Variants in HSPBP1 observed in about 807,000 individuals in gnomAD.
HSPBP1 encodes hsp70-binding protein 1.
A neutral mutation model predicts 41.7 loss-of-function variants in HSPBP1; 31 were observed. That is an observed-to-expected ratio of 0.74 (90% CI 0.56 to 1.00). HSPBP1 has a LOEUF of 1.00. Ranked by LOEUF, HSPBP1 falls within the 50% of genes least tolerant of loss-of-function variation. The pLI is 0.00. For synonymous variants in HSPBP1, 199 were observed against 214.4 expected, an observed-to-expected ratio of 0.93 and a Z score of 0.63; for missense variants, 439 against 487.9, an observed-to-expected ratio of 0.90 and a Z score of 0.94.
rs141743392 is a variant in HSPBP1, at chr19:55,274,526, G to A, written c.512C>T (p.Thr171Met). Residue 171 changes from threonine to methionine, a missense_variant, in exon 4 of 8, where the codon ACG becomes ATG. Transcript: ENST00000433386. ...GATGGCTGCCACGTTCTGACTGCAC[G>A]TGCCGATGAGCTGTGCCGCCCGCCA... The part of the protein sequence containing the change: ...LRWRAAQLIG[T>M]CSQNVAAIQE... 65 of 1,607,504 alleles carry A rather than the reference G, an allele frequency of 4.0e-5. No homozygotes were observed. The highest frequency in any genetic ancestry group is 2.7e-5 in the African/African-American group (2 of 74,852).
chr19:55,266,255 C>T lies in HSPBP1; in HGVS notation c.672G>A (p.Leu224=). ...CLVREQEAGL[L]QFLRLDGFSV... ...AGAAGCCGTCCAGGCGGAGGAACTG[C>T]AGCAGCCCAGCCTCCTGCTCTCGGA... Residue 224 remains leucine, a synonymous_variant, in exon 5 of 8, where the codon CTG becomes CTA. Coordinates refer to ENST00000433386, the MANE Select transcript of HSPBP1 (RefSeq NM_012267.5). 6.3e-7 allele frequency: 1 copy of T among 1,582,018 alleles called. No individual in the cohort carries two copies. The highest frequency in any genetic ancestry group is 1.2e-5 in the South Asian group (1 of 86,584).
At chr19:55,267,217 T>C (rs571954985) in intron 4 of HSPBP1, among the ~76,000 whole-genome samples, 1 of 152,166 alleles carries the variant, frequency 6.6e-6, no homozygotes, top group Non-Finnish European at 1.5e-5. Context: ...AGTGGAGCAA[T>C]CTTGGCTCAC....
In HSPBP1 at chr19:55,277,807, G is replaced by A. The variant is rs2122885437; in HGVS notation, c.250C>T (p.Arg84Ter). ...TGCTCCACCTCCTCCCGCTGGCCTC[G>A]GAAGGCAGCCGACATGGCCTCCTGC... Reference protein sequence around the residue: ...WLQEAMSAAFRGQREEVEQMK... With the variant: ...WLQEAMSAAF The change falls in exon 3 of 8, where the codon CGA (arginine) becomes TGA (stop). Residue 84 changes from arginine to a stop codon, truncating the protein, a stop_gained. Transcript: ENST00000433386. LOFTEE classifies it high-confidence loss of function. 8 of 1,593,060 alleles carry A rather than the reference G, an allele frequency of 5.0e-6. No individual in the cohort carries two copies. The highest frequency in any genetic ancestry group is 1.3e-5 in the African/African-American group (1 of 74,614).
At chr19:55,274,729 G>T in intron 3 of HSPBP1, 107 bp from the exon 4 acceptor site, 1 of 902,036 alleles carries the variant, frequency 1.1e-6, no homozygotes, top group Non-Finnish European at 1.7e-6. Flanking sequence ...GAATGTGACT[G>T]TTTTTGGAGA....
Position 55,279,687 on chromosome 19 carries a change from G to A in HSPBP1, c.-79C>T, listed in dbSNP as rs112974750. On this transcript the variant is annotated 5_prime_UTR_variant, in exon 2 of 8. Coordinates refer to ENST00000433386, the MANE Select transcript of HSPBP1 (RefSeq NM_012267.5). ...TGAAGCAGCTCTGGCGTCCTGATGGGTCGATTCTTGAGGGTCTGCTGAGAA... is the reference window on the plus strand; with the variant it reads ...TGAAGCAGCTCTGGCGTCCTGATGGATCGATTCTTGAGGGTCTGCTGAGAA... The A allele has an allele frequency of 2.7e-5, 41 of 1,540,910 alleles. No individual in the cohort carries two copies. The highest frequency in any genetic ancestry group is 2.5e-4 in the African/African-American group (18 of 73,134).
intron 4 of HSPBP1, among the ~76,000 whole-genome samples, chr19:55,273,935 A>C (rs1421212189): frequency 6.6e-6 from 1 of 151,632 alleles, no homozygotes; most frequent in African/African-American, 2.4e-5. Flanking sequence ...AAAAAAAAGA[A>C]GAAGAAGAAT....
intron 3 of HSPBP1, 84 bp downstream of exon 3, chr19:55,277,558 G>A (rs1294938584): frequency 2.0e-5 from 27 of 1,346,476 alleles, no homozygotes; most frequent in Non-Finnish European, 2.4e-5. Flanking sequence ...CTGACGGTGT[G>A]AGCCCCAAGA....
rs1336170792 is a variant in HSPBP1 at position 55,268,355 on chromosome 19, G to A, written c.641-2069C>T. ...TGAGGCAGGAGAATCATTTGAACCC[G>A]GGAGGTGGAGGTTGCAGTGAGCCGA... On this transcript the variant is annotated intron_variant, in intron 4 of 7. Transcript: ENST00000433386. The surrounding 1 kb of genome is among the most constrained non-coding windows in gnomAD (Gnocchi z 4.5). 6.6e-6 allele frequency among the ~76,000 whole-genome samples: 1 copy of A among 152,092 alleles called. No homozygotes were observed. The highest frequency in any genetic ancestry group is 2.4e-5 in the African/African-American group (1 of 41,392).
rs1303343016 is a variant in HSPBP1 at position 55,272,649 on chromosome 19, T to C, written c.640+1749A>G. On this transcript the variant is annotated intron_variant, in intron 4 of 7. Coordinates refer to ENST00000433386, the MANE Select transcript of HSPBP1 (RefSeq NM_012267.5). The surrounding 1 kb of genome is among the most constrained non-coding windows in gnomAD (Gnocchi z 4.2). Reference sequence around the variant, plus strand: ...TGAGGTCAGGAGGTTGAGACCAGCCTGGCCAACAGGGTGAAACCCCGTCTC... The same window carrying C: ...TGAGGTCAGGAGGTTGAGACCAGCCCGGCCAACAGGGTGAAACCCCGTCTC... Among the ~76,000 whole-genome samples the C allele has an allele frequency of 6.6e-6, 1 of 151,946 alleles. No individual in the cohort carries two copies. The highest frequency in any genetic ancestry group is 2.4e-5 in the African/African-American group (1 of 41,376).
Position 55,272,702 on chromosome 19 carries a change from G to C in HSPBP1, c.640+1696C>G, listed in dbSNP as rs1216294072. Among the ~76,000 whole-genome samples, 2 of 152,080 alleles carry C rather than the reference G, an allele frequency of 1.3e-5. No individual in the cohort carries two copies. Among genetic ancestry groups the C allele is most frequent in the Non-Finnish European group, 2.9e-5 (2 of 67,996 alleles). ...CTAAAAATACAAAAATTAGCCGGGC[G>C]CGGTGGCGGGCGCCTGTAATCCCAG... On this transcript the variant is annotated intron_variant, in intron 4 of 7. Coordinates refer to ENST00000433386, the MANE Select transcript of HSPBP1 (RefSeq NM_012267.5). The surrounding 1 kb of genome is among the most constrained non-coding windows in gnomAD (Gnocchi z 4.2).
rs151020363 is a variant in HSPBP1 at position 55,272,491 on chromosome 19, G to A, written c.640+1907C>T. Among the ~76,000 whole-genome samples, 15 of 152,302 alleles carry A rather than the reference G, an allele frequency of 9.8e-5. No homozygotes were observed. The South Asian group carries it at 2.1e-3, about 21-fold the overall frequency. On this transcript the variant is annotated intron_variant, in intron 4 of 7. Transcript: ENST00000433386. The surrounding 1 kb of genome is among the most constrained non-coding windows in gnomAD (Gnocchi z 4.2). ...GCAGGGGCTGCGGGAGAGGACGGACGCCGAGTGATTGCTTAACGGGTACAG... is the reference window on the plus strand; with the variant it reads ...GCAGGGGCTGCGGGAGAGGACGGACACCGAGTGATTGCTTAACGGGTACAG...
chr19:55,262,437 G>C lies in HSPBP1; in HGVS notation c.*171C>G. ...GAGAGCATGGGAGGTGGGGTCCAAG[G>C]AGCTGGTGCCTTTCTCAGCGCCCCT... On this transcript the variant is annotated 3_prime_UTR_variant, in exon 8 of 8. Transcript: ENST00000433386. 7.0e-7 allele frequency: 1 copy of C among 1,425,450 alleles called. No homozygotes were observed. The highest frequency in any genetic ancestry group is 1.5e-5 in the South Asian group (1 of 65,932). The allele number at this position is 1,425,450 out of a possible 1,614,324, so 88.3% of individuals were successfully genotyped here. A position where few individuals can be genotyped will look rare whatever the true frequency, so the allele number is the denominator to read the frequency against.
intron 4 of HSPBP1, 53 bp downstream of exon 4, chr19:55,274,345 G>GGCCCC: frequency 2.0e-5 from 11 of 552,672 alleles, no homozygotes; most frequent in East Asian, 1.1e-4. Context: ...GGCCCACCCG[G>GGCCCC]CACCCCCCCC....
At chr19:55,278,941 A>AAC (rs1555889542) in intron 2 of HSPBP1, among the ~76,000 whole-genome samples, 2 of 149,384 alleles carry the variant, frequency 1.3e-5, no homozygotes, top group African/African-American at 5.1e-5. Flanking sequence ...AAAAAAAAAA[A>AAC]CAGCAGTCTG....
In HSPBP1 at chr19:55,274,642, A is replaced by G; in HGVS notation, c.416-20T>C. The G allele has an allele frequency of 6.3e-7, 1 of 1,591,000 alleles. No homozygotes were observed. Among genetic ancestry groups the G allele is most frequent in the Non-Finnish European group, 8.5e-7 (1 of 1,170,598 alleles). Reference sequence around the variant, plus strand: ...AGAAGTCTGTGCCACAGAGGGGAGCAGAGAGAGGCCAGATGTTAGGGACTG... The same window carrying G: ...AGAAGTCTGTGCCACAGAGGGGAGCGGAGAGAGGCCAGATGTTAGGGACTG... On this transcript the variant is annotated intron_variant, in intron 3 of 7. Coordinates refer to ENST00000433386, the MANE Select transcript of HSPBP1 (RefSeq NM_012267.5).
In HSPBP1 at chr19:55,262,629, C is replaced by T. The variant is rs147806061; in HGVS notation, c.1059G>A (p.Ala353=). 1.3e-3 allele frequency: 2,032 copies of T among 1,613,918 alleles called. 4 individuals carry two copies. The highest frequency in any genetic ancestry group is 1.6e-3 in the Non-Finnish European group (1,924 of 1,179,892). ...GGTTTCACCGATCCATGCTGTCGTCCGCTGGGCTGGAGAAACAGGTCTGTA... is the reference window on the plus strand; with the variant it reads ...GGTTTCACCGATCCATGCTGTCGTCTGCTGGGCTGGAGAAACAGGTCTGTA... ...KLLQTCFSSP[A]DDSMDR Residue 353 remains alanine, a synonymous_variant, in exon 8 of 8, where the codon GCG becomes GCA. Transcript: ENST00000433386.
intron 4 of HSPBP1, among the ~76,000 whole-genome samples, chr19:55,267,923 T>C (rs1219185461): frequency 6.6e-6 from 1 of 152,210 alleles, no homozygotes; most frequent in Non-Finnish European, 1.5e-5. Flanking sequence ...GGATGAGAAC[T>C]GACCTTTGGA....
At chr19:55,271,216 CT>C (rs375706192) in intron 4 of HSPBP1, among the ~76,000 whole-genome samples, 315 of 144,594 alleles carry the variant, frequency 2.2e-3, no homozygotes, top group Middle Eastern at 7.2e-3. Context: ...TATGTAATGA[CT>C]TTTTTTTTTT....
chr19:55,275,677 C>T (rs1045746084), intron 3 of HSPBP1, among the ~76,000 whole-genome samples: 11 of 152,040 alleles, frequency 7.2e-5, no homozygotes, highest in African/African-American at 2.2e-4. Flanking sequence ...TGGCCAGGTG[C>T]GGTGGCTCAT....
Sources: gnomAD v4.1 joint callset for allele counts (sites outside exome capture counted in the v4.1 genomes callset) on GRCh38, gnomAD v4.1.1 for gene constraint, Gnocchi (gnomAD v3.1) non-coding constraint, MANE v1.5 for transcripts, NCBI Gene and HGNC (gene_info 2026-07-23, HGNC 2026-07-21) for gene names.